HSP90AA1: variants seen among roughly 807,000 people sequenced by gnomAD.
The protein encoded by HSP90AA1 is heat shock protein 90 alpha family class A member 1.
In HSP90AA1, 18 loss-of-function variants were observed where a neutral mutation model predicts 73.3. The ratio of observed to expected loss-of-function variants is 0.25; its 90% CI spans 0.17 to 0.36. The LOEUF (loss-of-function observed/expected upper bound fraction) is 0.36, where lower values mean the gene tolerates loss of function less well. Ranked by LOEUF, HSP90AA1 falls within the 10% of genes least tolerant of loss-of-function variation. HSP90AA1 has a pLI of 1.00. For synonymous variants in HSP90AA1, 477 were observed against 296.9 expected, an observed-to-expected ratio of 1.61 and a Z score of -6.24; for missense variants, 704 against 874.2, an observed-to-expected ratio of 0.81 and a Z score of 2.45.
At chr14:102,085,608 A>G in intron 3 of HSP90AA1, 150 bp downstream of exon 3, 2 of 1,299,918 alleles carry the variant, frequency 1.5e-6, no homozygotes, top group Non-Finnish European at 2.2e-6. Context: ...CCACCAAGTC[A>G]TGCCATTACA....
intron 2 of HSP90AA1, among the ~76,000 whole-genome samples, chr14:102,092,755 ATTG>A (rs139780812): frequency 9.3e-4 from 141 of 152,052 alleles, no homozygotes; most frequent in African/African-American, 3.1e-3. Flanking sequence ...TGTGCAGTTT[ATTG>A]TTGTTTTTAT....
Position 102,083,895 on chromosome 14 carries a change from G to C in HSP90AA1, c.1236C>G (p.Ile412Met), listed in dbSNP as rs754839365. The C allele has an allele frequency of 1.9e-6, 3 of 1,613,878 alleles. No individual in the cohort carries two copies. Among genetic ancestry groups the C allele is most frequent in the Admixed American group, 1.7e-5 (1 of 60,014 alleles). The part of the protein sequence containing the change: ...MLQQSKILKV[I>M]RKNLVKKCLE... ...AGCATTTTTTGACCAAATTCTTCCT[G>C]ATAACTTTCAAAATTTTGCTTTGTT... is the stretch of plus-strand genomic sequence containing the variant. Residue 412 changes from isoleucine to methionine, a missense_variant, in exon 7 of 11, where the codon ATC becomes ATG. Coordinates refer to ENST00000216281, the MANE Select transcript of HSP90AA1 (RefSeq NM_005348.4).
intron 1 of HSP90AA1, chr14:102,139,178 CCA>C (rs1238605346): frequency 1.3e-6 from 2 of 1,557,402 alleles, no homozygotes; most frequent in Non-Finnish European, 1.8e-6. Flanking sequence ...CTATGCTGTA[CCA>C]CATTCTTCTC....
intron 1 of HSP90AA1, among the ~76,000 whole-genome samples, chr14:102,134,675 G>A (rs1424116178): frequency 6.6e-6 from 1 of 152,074 alleles, no homozygotes; most frequent in Admixed American, 6.6e-5. Flanking sequence ...CTCCCGGTGG[G>A]CTCGTGGTCT....
chr14:102,115,294 A>AAAAC (rs3993378), intron 1 of HSP90AA1, among the ~76,000 whole-genome samples: 112,449 of 148,994 alleles, frequency 0.75, 44,287 homozygotes, highest in East Asian at 0.89. Context: ...TCCATCTCAT[A>AAAAC]AAACAAACAA....
Position 102,083,914 on chromosome 14 carries a change from C to G in HSP90AA1, c.1217G>C (p.Ser406Thr). ...CTTCCTGATAACTTTCAAAATTTTGCTTTGTTGCAACATCTCACGGGATAT... is the reference window on the plus strand; with the variant it reads ...CTTCCTGATAACTTTCAAAATTTTGGTTTGTTGCAACATCTCACGGGATAT... ...LNISREMLQQ[S>T]KILKVIRKNL... The change falls in exon 7 of 11, where the codon AGC becomes ACC. Residue 406 changes from serine to threonine, a missense_variant. Coordinates refer to ENST00000216281, the MANE Select transcript of HSP90AA1 (RefSeq NM_005348.4). 6.2e-7 allele frequency: 1 copy of G among 1,613,962 alleles called. No homozygotes were observed. Among genetic ancestry groups the G allele is most frequent in the Non-Finnish European group, 8.5e-7 (1 of 1,179,940 alleles).
rs2049083660 is a variant in HSP90AA1, at chr14:102,080,915, G to A, written c.*797C>T. On this transcript the variant is annotated 3_prime_UTR_variant, in exon 11 of 11. Transcript: ENST00000216281. ...ACCCCACACCTGCTGAGTACATGCT[G>A]GGAAGACCATGTCAACCCTTGGAGC... 1 of 228,492 alleles carries A rather than the reference G, an allele frequency of 4.4e-6. No individual in the cohort carries two copies. The highest frequency in any genetic ancestry group is 5.7e-5 in the Admixed American group (1 of 17,618). The allele number at this position is 228,492 out of a possible 1,614,324, so 14.2% of individuals were successfully genotyped here. A position where few individuals can be genotyped will look rare whatever the true frequency, so the allele number is the denominator to read the frequency against.
chr14:102,135,280 A>G (rs1219181837), intron 1 of HSP90AA1, among the ~76,000 whole-genome samples: 2 of 145,220 alleles, frequency 1.4e-5, no homozygotes, highest in African/African-American at 5.4e-5. Flanking sequence ...GTGTTTACAA[A>G]CCTTGAGCTA....
Position 102,085,403 on chromosome 14 carries a change from A to G in HSP90AA1, c.558T>C (p.Val186=), listed in dbSNP as rs2049202648. The G allele has an allele frequency of 6.2e-7, 1 of 1,613,700 alleles. No homozygotes were observed. The highest frequency in any genetic ancestry group is 1.3e-5 in the African/African-American group (1 of 74,912). Reference sequence around the variant, plus strand: ...TTTGGTCTTCTTTCAGGTGTAGGATAACTTTTGTTCCACGACCCATAGGTT... The same window carrying G: ...TTTGGTCTTCTTTCAGGTGTAGGATGACTTTTGTTCCACGACCCATAGGTT... ...TGEPMGRGTK[V]ILHLKEDQTE... is the part of the protein sequence containing the mutation. Residue 186 remains valine, a synonymous_variant, in exon 4 of 11, where the codon GTT becomes GTC. Coordinates refer to ENST00000216281, the MANE Select transcript of HSP90AA1 (RefSeq NM_005348.4).
intron 1 of HSP90AA1, among the ~76,000 whole-genome samples, chr14:102,113,038 T>A (rs113988783): frequency 4.7e-4 from 72 of 152,160 alleles, no homozygotes; most frequent in African/African-American, 1.3e-3. Context: ...TTATTTATTT[T>A]TTTGAGATGG....
chr14:102,116,044 C>T (rs1248102740), intron 1 of HSP90AA1, among the ~76,000 whole-genome samples: 9 of 150,948 alleles, frequency 6.0e-5, no homozygotes, highest in East Asian at 5.9e-4. Flanking sequence ...CTCTGCCTCC[C>T]GGGTTCACAC....
At chr14:102,082,512 ATCT>A in intron 9 of HSP90AA1, 68 bp from the exon 10 acceptor site, 2 of 1,315,668 alleles carry the variant, frequency 1.5e-6, no homozygotes, top group Non-Finnish European at 2.1e-6. Context: ...GTGAAATGAA[ATCT>A]GTAGAACCCA....
chr14:102,115,669 C>T (rs2049697164), intron 1 of HSP90AA1, among the ~76,000 whole-genome samples: 1 of 151,856 alleles, frequency 6.6e-6, no homozygotes, highest in Non-Finnish European at 1.5e-5. Context: ...CAGTTGAGCC[C>T]AGGAGGTCAA....
chr14:102,082,913 C>A, intron 9 of HSP90AA1, 121 bp downstream of exon 9: 2 of 1,065,932 alleles, frequency 1.9e-6, no homozygotes, highest in South Asian at 2.6e-5. Context: ...GCCACCGCGC[C>A]CAGCCACACA....
chr14:102,126,944 C>T (rs2049846942), intron 1 of HSP90AA1, among the ~76,000 whole-genome samples: 2 of 152,232 alleles, frequency 1.3e-5, no homozygotes, highest in African/African-American at 4.8e-5. Flanking sequence ...CCAGCTACTA[C>T]TTTACAGCAA....
chr14:102,083,762 A>T (rs755886481), intron 7 of HSP90AA1, 31 bp downstream of exon 7: 1 of 1,584,562 alleles, frequency 6.3e-7, no homozygotes, highest in African/African-American at 1.4e-5. Context: ...TAAAGAGGCC[A>T]ATTGGAAAAC....
At chr14:102,103,180 C>CAAAAAAAAAA (rs898771022) in intron 1 of HSP90AA1, among the ~76,000 whole-genome samples, 1 of 37,210 alleles carries the variant, frequency 2.7e-5, no homozygotes, top group Non-Finnish European at 5.4e-5. Flanking sequence ...GACTCAGTCT[C>CAAAAAAAAAA]AAAAAAAAAA....
intron 1 of HSP90AA1, among the ~76,000 whole-genome samples, chr14:102,120,763 T>C (rs911519540): frequency 1.3e-5 from 2 of 151,574 alleles, no homozygotes; most frequent in Admixed American, 6.6e-5. Context: ...GCCAACATGG[T>C]GAAACCCTAT....
Position 102,115,948 on chromosome 14 carries a change from C to T in HSP90AA1, c.156-13863G>A, listed in dbSNP as rs1025595072. Reference sequence around the variant, plus strand: ...TTTGTATTTTTCTTAAGTTTAAGACCGAGCATCTTTTTTTTTTTTTTGAGA... The same window carrying T: ...TTTGTATTTTTCTTAAGTTTAAGACTGAGCATCTTTTTTTTTTTTTTGAGA... On this transcript the variant is annotated intron_variant, in intron 1 of 11. Transcript: ENST00000334701. Among the ~76,000 whole-genome samples the T allele has an allele frequency of 2.6e-5, 4 of 151,348 alleles. No individual in the cohort carries two copies. In the East Asian group the frequency reaches 5.8e-4, roughly 22 times the overall value.
Sources: gnomAD v4.1 joint callset for allele counts (sites outside exome capture counted in the v4.1 genomes callset) on GRCh38, gnomAD v4.1.1 for gene constraint, MANE v1.5 for transcripts, NCBI Gene and HGNC (gene_info 2026-07-23, HGNC 2026-07-21) for gene names.